AUTS2: variants seen among roughly 807,000 people sequenced by gnomAD.
AUTS2 encodes the protein activator of transcription and developmental regulator AUTS2, also known as autism susceptibility gene 2 protein.
In AUTS2, 17 loss-of-function variants were observed where a neutral mutation model predicts 112.4. The ratio of observed to expected loss-of-function variants is 0.15; its 90% CI spans 0.10 to 0.23. AUTS2 has a LOEUF of 0.23. Ranked by LOEUF, AUTS2 falls within the 10% of genes least tolerant of loss-of-function variation. The pLI is 1.00. For missense variants in AUTS2, 1,510 were observed against 1,701.6 expected (o/e 0.89, Z 1.98); for synonymous variants, 751 against 702.7 (o/e 1.07, Z -1.09).
At chr7:70,368,859 A>G (rs1792707694) in intron 4 of AUTS2, among the ~76,000 whole-genome samples, 1 of 152,164 alleles carries the variant, frequency 6.6e-6, no homozygotes, top group African/African-American at 2.4e-5. Flanking sequence ...AATATGATCC[A>G]CCAAGAGCAG....
chr7:70,775,093 T>C, intron 12 of AUTS2: 1 of 500,962 alleles, frequency 2.0e-6, no homozygotes, highest in South Asian at 2.8e-5. Context: ...GAGCAAATCA[T>C]GTTGCCAGAG....
intron 1 of AUTS2, among the ~76,000 whole-genome samples, chr7:69,797,139 A>G (rs905264320): frequency 2.0e-5 from 3 of 152,154 alleles, no homozygotes; most frequent in Non-Finnish European, 4.4e-5. Context: ...GCACCTCCAG[A>G]ATGTAACCTC....
intron 5 of AUTS2, among the ~76,000 whole-genome samples, chr7:70,518,612 G>A (rs1799515222): frequency 6.6e-6 from 1 of 151,744 alleles, no homozygotes; most frequent in African/African-American, 2.4e-5. Flanking sequence ...TGAACCAGGA[G>A]CCGGAGCTTG....
At chr7:70,196,035 G>A (rs1810154939) in intron 4 of AUTS2, among the ~76,000 whole-genome samples, 1 of 152,234 alleles carries the variant, frequency 6.6e-6, no homozygotes, top group Non-Finnish European at 1.5e-5. Flanking sequence ...AGTAATGAAG[G>A]TATGGCAGCA....
chr7:69,655,039 G>A (rs554156414), intron 1 of AUTS2, among the ~76,000 whole-genome samples: 4 of 152,138 alleles, frequency 2.6e-5, no homozygotes, highest in Non-Finnish European at 4.4e-5. Flanking sequence ...CAAGTGTGTC[G>A]CCCAGCAGCC....
intron 5 of AUTS2, among the ~76,000 whole-genome samples, chr7:70,654,138 C>T (rs1806647236): frequency 6.6e-6 from 1 of 152,134 alleles, no homozygotes; most frequent in African/African-American, 2.4e-5. Flanking sequence ...GGTTATGGAA[C>T]TATGGAAATA....
intron 2 of AUTS2, among the ~76,000 whole-genome samples, chr7:70,061,423 A>C (rs2129560766): frequency 6.6e-6 from 1 of 152,304 alleles, no homozygotes; most frequent in South Asian, 2.1e-4. Flanking sequence ...AAGAGGTGCT[A>C]GGTTTGTATT....
In AUTS2 at chr7:70,786,039, G is replaced by C. The variant is rs756335613; in HGVS notation, c.2308+1G>C. 1 of 1,613,404 alleles carries C rather than the reference G, an allele frequency of 6.2e-7. No individual in the cohort carries two copies. ...GGGGGACTTGGAAATCCTTCCGTTA[G>C]TGAGTACCTCTAACTTTTAAAAATC... On this transcript the variant is annotated splice_donor_variant, in intron 17 of 18. Transcript: ENST00000342771. LOFTEE classifies it high-confidence loss of function.
At chr7:70,465,112 C>G (rs10950202) in intron 5 of AUTS2, among the ~76,000 whole-genome samples, 21,350 of 152,202 alleles carry the variant, frequency 0.14, 1,531 homozygotes, top group Middle Eastern at 0.17. Flanking sequence ...CTTTTCTCAG[C>G]CCTCTGCCCT....
intron 5 of AUTS2, among the ~76,000 whole-genome samples, chr7:70,571,075 A>C (rs1801917936): frequency 6.6e-6 from 1 of 152,236 alleles, no homozygotes; most frequent in Admixed American, 6.5e-5. Context: ...CATACCCAGT[A>C]AATATTTGTA....
intron 5 of AUTS2, among the ~76,000 whole-genome samples, chr7:70,516,325 C>T (rs963774343): frequency 2.0e-5 from 3 of 152,184 alleles, no homozygotes; most frequent in Admixed American, 6.5e-5. Context: ...CAGGAATCTG[C>T]CATTTTCAGT....
rs117150366 is a variant in AUTS2, at chr7:70,480,229, C to T, written c.690+44448C>T. 1.6e-4 allele frequency among the ~76,000 whole-genome samples: 24 copies of T among 152,344 alleles called. No homozygotes were observed. The East Asian group carries it at 4.4e-3, about 28-fold the overall frequency. On this transcript the variant is annotated intron_variant, in intron 5 of 18. Transcript: ENST00000342771. ...GTATGTGTACGTGTGTGTGCACATGCACTTAGGACAACTTTGAGCCAGGAG... is the reference window on the plus strand; with the variant it reads ...GTATGTGTACGTGTGTGTGCACATGTACTTAGGACAACTTTGAGCCAGGAG...
intron 5 of AUTS2, among the ~76,000 whole-genome samples, chr7:70,579,244 T>TAAAAAAACAAAAAAAAAAAAAAAAAA (rs1802318445): frequency 1.8e-5 from 1 of 55,868 alleles, no homozygotes; most frequent in African/African-American, 6.9e-5. Flanking sequence ...TTCTCTTTTC[T>TAAAAAAACAAAAAAAAAAAAAAAAAA]AAAAAAAAAA....
intron 2 of AUTS2, among the ~76,000 whole-genome samples, chr7:69,972,684 T>C (rs1229957090): frequency 6.6e-6 from 1 of 151,832 alleles, no homozygotes; most frequent in African/African-American, 2.4e-5. Flanking sequence ...TGTGTGTGTG[T>C]GTGTGTGTGT....
Position 70,766,307 on chromosome 7 carries a change from C to T in AUTS2, c.1662C>T (p.Ala554=), listed in dbSNP as rs1789940501. 5.0e-6 allele frequency: 8 copies of T among 1,614,014 alleles called. No homozygotes were observed. The highest frequency in any genetic ancestry group is 6.8e-6 in the Non-Finnish European group (8 of 1,180,040). Residue 554 remains alanine (A), a synonymous_variant, in exon 9 of 19, where the codon GCC becomes GCT. Coordinates refer to ENST00000342771, the MANE Select transcript of AUTS2 (RefSeq NM_015570.4). This position sits in a 1 kb window ranked among gnomAD's most constrained non-coding sequence, Gnocchi z 4.8. ...TPFPHAIPPT[A]IMPTPAPPMF... ...TCCCCCACGCCATCCCACCCACCGC[C>T]ATCATGCCGACGCCAGCACCTCCCA...
In AUTS2 at chr7:70,028,862, C is replaced by T. The variant is rs77170935; in HGVS notation, c.523-89270C>T. On this transcript the variant is annotated intron_variant, in intron 2 of 18. Coordinates refer to ENST00000342771, the MANE Select transcript of AUTS2 (RefSeq NM_015570.4). ...ATCCCTCAAGGCTCTCTATTGCCTG[C>T]GAATTGAGAATAGACTCCTCTGCTG... Among the ~76,000 whole-genome samples the T allele has an allele frequency of 1.7e-3, 257 of 152,222 alleles. 4 individuals are homozygous for T. The East Asian group carries it at 0.031, about 19-fold the overall frequency.
chr7:69,833,234 A>C (rs4718908), intron 1 of AUTS2, among the ~76,000 whole-genome samples: 21,298 of 151,958 alleles, frequency 0.14, 2,368 homozygotes, highest in East Asian at 0.54. Context: ...ATTAAGAATC[A>C]CTGTTGTATC....
chr7:69,928,316 T>G (rs1253174787), intron 2 of AUTS2, among the ~76,000 whole-genome samples: 1 of 152,128 alleles, frequency 6.6e-6, no homozygotes, highest in Non-Finnish European at 1.5e-5. Flanking sequence ...TGGACTCCAC[T>G]CAGAACTGGC....
intron 1 of AUTS2, among the ~76,000 whole-genome samples, chr7:69,884,644 A>G (rs1794196716): frequency 6.6e-6 from 1 of 152,208 alleles, no homozygotes; most frequent in Non-Finnish European, 1.5e-5. Flanking sequence ...CACTAAATCT[A>G]TCTATAGGAA....
Sources: allele counts gnomAD v4.1 joint callset (sites outside exome capture counted in the v4.1 genomes callset), GRCh38; gene constraint gnomAD v4.1.1; non-coding constraint Gnocchi (gnomAD v3.1); transcripts MANE v1.5; gene names NCBI Gene and HGNC (gene_info 2026-07-23, HGNC 2026-07-21).